Variants in SEM1 observed in about 807,000 individuals in gnomAD.
SEM1 encodes the protein 26S proteasome complex subunit SEM1.
A neutral mutation model predicts 12.7 loss-of-function variants in SEM1; 3 were observed. That is an observed-to-expected ratio of 0.24 (90% CI 0.11 to 0.61). The LOEUF (loss-of-function observed/expected upper bound fraction) is 0.61. Among genes scored for constraint, SEM1 ranks in the 20% least tolerant of loss-of-function variants. The probability of loss-of-function intolerance (pLI) is 0.88; values close to 1 mark genes in which losing one functional copy is unlikely to be tolerated. For missense variants in SEM1, 59 were observed against 81.3 expected, an observed-to-expected ratio of 0.73 and a Z score of 1.06; for synonymous variants, 30 against 27.8, an observed-to-expected ratio of 1.08 and a Z score of -0.25.
chr7:96,675,849 A>G (rs1447096046), intron 2 of SEM1, among the ~76,000 whole-genome samples: 3 of 152,184 alleles, frequency 2.0e-5, no homozygotes, highest in Admixed American at 2.0e-4. Context: ...TAAAGCCTCA[A>G]TAGACTTTAA....
At chr7:96,557,787 A>G (rs1444959107) in intron 2 of SEM1, among the ~76,000 whole-genome samples, 1 of 151,546 alleles carries the variant, frequency 6.6e-6, no homozygotes, top group Non-Finnish European at 1.5e-5. Context: ...CCCTTCCCCC[A>G]GCCTCGCTGC....
Position 96,640,564 on chromosome 7 carries a change from G to A in SEM1, c.171-17921C>T, listed in dbSNP as rs974561579. ...GTGAAAACTTTAGTGGTTGGCAGGG[G>A]GTAGTGGGAGGGAGAGATGAATAGG... On this transcript the variant is annotated intron_variant, in intron 2 of 2. Coordinates refer to the SEM1 transcript ENST00000417009. The surrounding 1 kb of genome is among the most constrained non-coding windows in gnomAD (Gnocchi z 4.0). Among the ~76,000 whole-genome samples the A allele has an allele frequency of 2.0e-5, 3 of 151,976 alleles. No homozygotes were observed. Among genetic ancestry groups the A allele is most frequent in the South Asian group, 4.1e-4 (2 of 4,822 alleles).
At chr7:96,563,615 C>A (rs957499221) in intron 2 of SEM1, among the ~76,000 whole-genome samples, 1 of 151,948 alleles carries the variant, frequency 6.6e-6, no homozygotes, top group Non-Finnish European at 1.5e-5. Flanking sequence ...TGCTAGTCAG[C>A]GATTTTAATG....
intron 2 of SEM1, among the ~76,000 whole-genome samples, chr7:96,583,545 T>C (rs1314044521): frequency 6.7e-6 from 1 of 149,834 alleles, no homozygotes; most frequent in African/African-American, 2.4e-5. Context: ...TTCTGTCTTG[T>C]TGATCTGTCT....
At chr7:96,650,468 A>G in intron 2 of SEM1, 1 of 752,814 alleles carries the variant, frequency 1.3e-6, no homozygotes, top group South Asian at 1.4e-5. Context: ...GTACCAAGCC[A>G]CTGCAGGAGA....
intron 2 of SEM1, among the ~76,000 whole-genome samples, chr7:96,525,794 C>A (rs1028670113): frequency 1.3e-5 from 2 of 152,112 alleles, no homozygotes; most frequent in African/African-American, 2.4e-5. Flanking sequence ...GGAACGCCAA[C>A]CCTATTGTGA....
At chr7:96,702,780 C>A (rs1790308977) in intron 1 of SEM1, among the ~76,000 whole-genome samples, 1 of 152,076 alleles carries the variant, frequency 6.6e-6, no homozygotes, top group Non-Finnish European at 1.5e-5. Context: ...GTGAACATCC[C>A]CAGTAATGGA....
At chr7:96,558,483 G>A (rs1174452502) in intron 2 of SEM1, among the ~76,000 whole-genome samples, 1 of 151,588 alleles carries the variant, frequency 6.6e-6, no homozygotes, top group Non-Finnish European at 1.5e-5. Context: ...TTAGATCAGT[G>A]CACAGAAGGT....
downstream of SEM1, chr7:96,688,242 G>A (rs1452454025): frequency 6.6e-6 from 1 of 152,106 alleles, no homozygotes; most frequent in Non-Finnish European, 1.5e-5. Context: ...TGTAGTACCT[G>A]AAAATATGCA....
chr7:96,686,609 AT>A (rs1789766409), downstream of SEM1, among the ~76,000 whole-genome samples: 1 of 152,104 alleles, frequency 6.6e-6, no homozygotes, highest in Non-Finnish European at 1.5e-5. Context: ...ATTTATAAAA[AT>A]ATCACTTACC....
At chr7:96,633,157 G>A (rs1450971643) in intron 2 of SEM1, among the ~76,000 whole-genome samples, 2 of 151,966 alleles carry the variant, frequency 1.3e-5, no homozygotes, top group Non-Finnish European at 2.9e-5. Flanking sequence ...TCAAACCTCA[G>A]CTAATTGTCA....
chr7:96,700,485 T>C (rs1300350539), intron 1 of SEM1, among the ~76,000 whole-genome samples: 2 of 152,160 alleles, frequency 1.3e-5, no homozygotes, highest in African/African-American at 4.8e-5. Context: ...GTCAGCCCTC[T>C]CTACAGGTGG....
intron 2 of SEM1, among the ~76,000 whole-genome samples, chr7:96,614,594 C>G (rs1007952860): frequency 6.6e-6 from 1 of 152,302 alleles, no homozygotes; most frequent in East Asian, 1.9e-4. Flanking sequence ...TCAGTTTATT[C>G]AGCCTTCGTT....
intron 2 of SEM1, among the ~76,000 whole-genome samples, chr7:96,590,603 T>C (rs1563075035): frequency 6.6e-6 from 1 of 152,200 alleles, no homozygotes; most frequent in Non-Finnish European, 1.5e-5. Flanking sequence ...ACAAAGACAT[T>C]GCTTAGGATG....
intron 1 of SEM1, 98 bp downstream of exon 1, chr7:96,709,590 C>G: frequency 8.6e-7 from 1 of 1,162,900 alleles, no homozygotes; most frequent in Non-Finnish European, 1.3e-6. Flanking sequence ...CCAAACTTCC[C>G]GCCGGTGCCC....
chr7:96,488,848 G>C (rs1295947355), intron 1 of SEM1, among the ~76,000 whole-genome samples: 3 of 152,080 alleles, frequency 2.0e-5, no homozygotes, highest in Non-Finnish European at 4.4e-5. Flanking sequence ...TCTTTGGGCT[G>C]TGGGTAAAAG....
intron 2 of SEM1, among the ~76,000 whole-genome samples, chr7:96,692,043 A>T (rs944477533): frequency 6.6e-6 from 1 of 152,244 alleles, no homozygotes; most frequent in Non-Finnish European, 1.5e-5. Flanking sequence ...ATAGATTTAT[A>T]TACCTATAGA....
downstream of SEM1, among the ~76,000 whole-genome samples, chr7:96,617,927 G>A (rs1418823008): frequency 6.6e-6 from 1 of 152,078 alleles, no homozygotes; most frequent in East Asian, 1.9e-4. Flanking sequence ...GATTCGAATT[G>A]CTAGTGTTAT....
At chr7:96,586,347 C>A (rs1806636597) in intron 2 of SEM1, among the ~76,000 whole-genome samples, 1 of 152,166 alleles carries the variant, frequency 6.6e-6, no homozygotes, top group South Asian at 2.1e-4. Context: ...CTGTACATGT[C>A]CCAGCAAAGA....
Sources: allele counts gnomAD v4.1 joint callset (sites outside exome capture counted in the v4.1 genomes callset), GRCh38; gene constraint gnomAD v4.1.1; non-coding constraint Gnocchi (gnomAD v3.1); transcripts MANE v1.5; gene names NCBI Gene and HGNC (gene_info 2026-07-23, HGNC 2026-07-21).